The following CCDC171 variants were observed in gnomAD, a reference collection of about 807,000 sequenced individuals.
CCDC171 encodes coiled-coil domain-containing protein 171.
A neutral mutation model predicts 168.2 loss-of-function variants in CCDC171; 177 were observed. The observed-to-expected ratio is 1.05, with a 90% confidence interval of 0.93 to 1.19. CCDC171 has a LOEUF of 1.19. Ranked by LOEUF, CCDC171 falls within the 50% of genes most tolerant of loss-of-function variation. The probability of loss-of-function intolerance (pLI) is 0.00; values close to 1 mark genes in which losing one functional copy is unlikely to be tolerated. For missense variants in CCDC171, 1,991 were observed against 1,539.0 expected (o/e 1.29, Z -4.91); for synonymous variants, 687 against 540.8 (o/e 1.27, Z -3.75).
chr9:15,920,463 C>A, intron 25 of CCDC171, 41 bp downstream of exon 25: 1 of 1,409,868 alleles, frequency 7.1e-7, no homozygotes, highest in Non-Finnish European at 9.8e-7. Context: ...CTTTTTGAAT[C>A]TTGGGTTACA....
At chr9:15,735,553 C>A (rs567474186) in intron 16 of CCDC171, among the ~76,000 whole-genome samples, 28 of 152,206 alleles carry the variant, frequency 1.8e-4, no homozygotes, top group African/African-American at 6.5e-4. Flanking sequence ...GAACAAAACT[C>A]AGGGAGATTC....
intron 21 of CCDC171, among the ~76,000 whole-genome samples, chr9:15,793,854 G>A (rs866877603): frequency 3.9e-5 from 6 of 151,946 alleles, no homozygotes; most frequent in South Asian, 2.1e-4. Context: ...CTTATATGCA[G>A]CCACATTGCT....
intron 10 of CCDC171, among the ~76,000 whole-genome samples, chr9:15,694,037 C>G (rs895562460): frequency 6.6e-6 from 1 of 152,180 alleles, no homozygotes; most frequent in Non-Finnish European, 1.5e-5. Context: ...ACCCAGGAGA[C>G]ACTTTTTAGT....
At chr9:15,990,091 C>A (rs1372937056) in intron 3 of CCDC171, among the ~76,000 whole-genome samples, 18 of 152,064 alleles carry the variant, frequency 1.2e-4, no homozygotes, top group Admixed American at 1.2e-3. Flanking sequence ...CACAAAGATA[C>A]TCCTCAAGAA....
At chr9:15,576,552 G>T (rs1415481697) in intron 3 of CCDC171, among the ~76,000 whole-genome samples, 1 of 152,066 alleles carries the variant, frequency 6.6e-6, no homozygotes, top group Non-Finnish European at 1.5e-5. Flanking sequence ...GAAAAGGGAG[G>T]CTTGGTTTGC....
At chr9:16,005,766 C>G (rs777547325) in intron 3 of CCDC171, among the ~76,000 whole-genome samples, 1 of 152,030 alleles carries the variant, frequency 6.6e-6, no homozygotes, top group Admixed American at 6.6e-5. Context: ...CCTTGAGCAT[C>G]CATAGATTTT....
chr9:15,823,058 C>G (rs1358194375), intron 21 of CCDC171, among the ~76,000 whole-genome samples: 5 of 152,060 alleles, frequency 3.3e-5, no homozygotes, highest in African/African-American at 1.2e-4. Context: ...AGCTGGAAAC[C>G]ATCATTTTCA....
At chr9:15,584,868 A>T (rs966153491) in intron 4 of CCDC171, among the ~76,000 whole-genome samples, 9 of 152,330 alleles carry the variant, frequency 5.9e-5, no homozygotes, top group South Asian at 4.1e-4. Flanking sequence ...AAAGTTCATG[A>T]CTTTCATTTA....
At chr9:15,791,421 C>T (rs1190398542) in intron 21 of CCDC171, among the ~76,000 whole-genome samples, 2 of 152,006 alleles carry the variant, frequency 1.3e-5, no homozygotes, top group African/African-American at 4.8e-5. Context: ...TATAAGAATG[C>T]TTGTGATTTT....
At chr9:15,826,113 C>G (rs1421124204) in intron 21 of CCDC171, among the ~76,000 whole-genome samples, 1 of 151,896 alleles carries the variant, frequency 6.6e-6, no homozygotes, top group Non-Finnish European at 1.5e-5. Flanking sequence ...TATTGAAATG[C>G]TTTTTATTGT....
intron 25 of CCDC171, among the ~76,000 whole-genome samples, chr9:15,946,456 C>T (rs1479151402): frequency 2.0e-5 from 3 of 151,902 alleles, no homozygotes; most frequent in African/African-American, 7.2e-5. Context: ...AAGAATCCAC[C>T]TTACAAGGGA....
intron 24 of CCDC171, among the ~76,000 whole-genome samples, chr9:15,906,189 C>T (rs923851058): frequency 6.6e-6 from 1 of 152,158 alleles, no homozygotes; most frequent in Non-Finnish European, 1.5e-5. Context: ...CAGCATCATC[C>T]TGATACCAAA....
rs78971548 is a variant in CCDC171, at chr9:15,787,443, G to C, written c.3267+2749G>C. ...TTTATTAACCTAATTTAATATTATA[G>C]ACTTAGATTTATCCCAGCTTCTTCC... On this transcript the variant is annotated intron_variant, in intron 21 of 25. Transcript: ENST00000380701. Among the ~76,000 whole-genome samples, 14 of 152,124 alleles carry C rather than the reference G, an allele frequency of 9.2e-5. No individual in the cohort carries two copies. The East Asian group carries it at 2.7e-3, about 29-fold the overall frequency.
intron 9 of CCDC171, among the ~76,000 whole-genome samples, chr9:15,673,895 G>A (rs10810424): frequency 0.46 from 69,236 of 151,910 alleles, 16,073 homozygotes; most frequent in Non-Finnish European, 0.5. Context: ...CTCTTTTTCT[G>A]TTGATTGAAA....
At chr9:15,765,257 T>C (rs1387959712) in intron 18 of CCDC171, among the ~76,000 whole-genome samples, 1 of 152,090 alleles carries the variant, frequency 6.6e-6, no homozygotes. Context: ...AGCAGGTACA[T>C]TGAGTTGGAG....
chr9:16,105,263 AGGG>A, the CCDC171 span, among the ~76,000 whole-genome samples: 1 of 152,200 alleles, frequency 6.6e-6, no homozygotes, highest in Non-Finnish European at 1.5e-5. Flanking sequence ...TTAATATCTG[AGGG>A]CGGGAGAAGT....
chr9:16,034,574 T>C (rs895214043), intron 6 of CCDC171, among the ~76,000 whole-genome samples: 2 of 152,168 alleles, frequency 1.3e-5, no homozygotes, highest in Non-Finnish European at 2.9e-5. Context: ...GATGTTTCAG[T>C]GCGTGTGACA....
chr9:15,707,792 T>G (rs1564255908), intron 11 of CCDC171, among the ~76,000 whole-genome samples: 1 of 152,204 alleles, frequency 6.6e-6, no homozygotes, highest in Non-Finnish European at 1.5e-5. Context: ...TTTAAATTGT[T>G]TGTAGAGAGT....
At chr9:15,696,700 C>G (rs1022239946) in intron 11 of CCDC171, among the ~76,000 whole-genome samples, 2 of 152,128 alleles carry the variant, frequency 1.3e-5, no homozygotes, top group Non-Finnish European at 2.9e-5. Flanking sequence ...ATTAGAAAAG[C>G]TAAGAATAAT....
Sources: allele counts gnomAD v4.1 joint callset (sites outside exome capture counted in the v4.1 genomes callset), GRCh38; gene constraint gnomAD v4.1.1; transcripts MANE v1.5; gene names NCBI Gene and HGNC (gene_info 2026-07-23, HGNC 2026-07-21).